The following SLC68A1 variants were observed in gnomAD, a reference collection of about 807,000 sequenced individuals.
SLC68A1 encodes the protein solute carrier family 68 member 1.
chr10:102,471,886 C>T, the SLC68A1 span: 1 of 338,628 alleles, frequency 3.0e-6, no homozygotes, highest in Non-Finnish European at 5.9e-6. Flanking sequence ...CTGAGCTTTT[C>T]CCTCCCTATG....
the SLC68A1 span, among the ~76,000 whole-genome samples, chr10:102,474,272 G>C: frequency 6.6e-6 from 1 of 150,824 alleles, no homozygotes; most frequent in Non-Finnish European, 1.5e-5. Context: ...CCATGAATAA[G>C]ATAGACAAAG....
chr10:102,464,817 AAAAG>A, the SLC68A1 span, among the ~76,000 whole-genome samples: 1 of 146,440 alleles, frequency 6.8e-6, no homozygotes, highest in Non-Finnish European at 1.5e-5. Context: ...AGGAAAAAGA[AAAAG>A]AAAATGGCTA....
the SLC68A1 span, chr10:102,468,613 G>A: frequency 6.3e-6 from 1 of 159,810 alleles, no homozygotes; most frequent in African/African-American, 2.4e-5. Flanking sequence ...CTTACAGTGA[G>A]CGGAGATCTG....
At chr10:102,469,099 C>G in the SLC68A1 span, 51 of 1,614,054 alleles carry the variant, frequency 3.2e-5, no homozygotes, top group Non-Finnish European at 3.6e-5. Flanking sequence ...CTCCCTGGCT[C>G]TCTTCACCAC....
the SLC68A1 span, chr10:102,471,910 G>A: frequency 5.3e-6 from 2 of 380,016 alleles, no homozygotes; most frequent in East Asian, 1.6e-4. Context: ...TCTTAGGCAG[G>A]TCTCAGGCTC....
chr10:102,468,782 T>G, the SLC68A1 span: 12 of 396,466 alleles, frequency 3.0e-5, no homozygotes, highest in East Asian at 8.8e-5. Flanking sequence ...CACTCCCAGA[T>G]TAGTGGTGTC....
the SLC68A1 span, among the ~76,000 whole-genome samples, chr10:102,465,081 C>T: frequency 3.3e-4 from 50 of 151,944 alleles, no homozygotes; most frequent in African/African-American, 1.1e-3. Flanking sequence ...GGTGAAACCC[C>T]GTCTCTACTA....
At chr10:102,470,878 A>C in the SLC68A1 span, 1 of 1,613,172 alleles carries the variant, frequency 6.2e-7, no homozygotes, top group Non-Finnish European at 8.5e-7. Context: ...TGGCCCTCTC[A>C]GCCCACGACC....
the SLC68A1 span, among the ~76,000 whole-genome samples, chr10:102,472,452 C>G: frequency 1.3e-5 from 2 of 151,904 alleles, no homozygotes; most frequent in Non-Finnish European, 2.9e-5. Context: ...TTAGTAGAGA[C>G]GGGGTTTCGC....
At chr10:102,473,075 C>A in the SLC68A1 span, 1 of 783,658 alleles carries the variant, frequency 1.3e-6, no homozygotes, top group Non-Finnish European at 2.2e-6. Context: ...ATCCACCTGC[C>A]TCTGCCTCCC....
the SLC68A1 span, chr10:102,473,712 C>G: frequency 6.2e-7 from 1 of 1,613,950 alleles, no homozygotes; most frequent in Non-Finnish European, 8.5e-7. Context: ...GCCCGGACCA[C>G]CTCAGCCTGC....
At chr10:102,470,885 G>A in the SLC68A1 span, 11 of 1,613,128 alleles carry the variant, frequency 6.8e-6, no homozygotes, top group South Asian at 1.2e-4. Context: ...CTCAGCCCAC[G>A]ACCGCACCCA....
chr10:102,466,375 C>T, the SLC68A1 span, among the ~76,000 whole-genome samples: 8 of 149,446 alleles, frequency 5.4e-5, no homozygotes, highest in East Asian at 2.0e-4. Context: ...CCCAGCTACT[C>T]GGGAGGCTGA....
At chr10:102,472,733 C>T in the SLC68A1 span, 1 of 776,008 alleles carries the variant, frequency 1.3e-6, no homozygotes, top group Non-Finnish European at 2.3e-6. Context: ...AAAAGGCCTG[C>T]TCTCGCTCTT....
At chr10:102,471,085 C>A in the SLC68A1 span, 7 of 1,613,914 alleles carry the variant, frequency 4.3e-6, no homozygotes. Context: ...CCCGAAAGGA[C>A]CCAGGGTGCT....
the SLC68A1 span, chr10:102,476,049 TTGG>T: frequency 1.9e-4 from 256 of 1,377,940 alleles, 10 homozygotes; most frequent in Middle Eastern, 2.6e-4. Flanking sequence ...CCAGTTTTTT[TTGG>T]TTTTTTTTTT....
chr10:102,476,180 G>A, the SLC68A1 span: 186 of 972,846 alleles, frequency 1.9e-4, 1 homozygote, highest in African/African-American at 2.9e-3. Flanking sequence ...CAATTATCCT[G>A]CCTCAGCCTC....
chr10:102,476,495 G>C, the SLC68A1 span: 3 of 985,664 alleles, frequency 3.0e-6, no homozygotes, highest in Non-Finnish European at 3.6e-6. Flanking sequence ...ATGAGCCACC[G>C]CACTCGGCCA....
the SLC68A1 span, among the ~76,000 whole-genome samples, chr10:102,464,384 G>A: frequency 6.6e-6 from 1 of 152,016 alleles, no homozygotes; most frequent in Non-Finnish European, 1.5e-5. Flanking sequence ...CTGGGAGGCG[G>A]AGGTTGCAGT....
Sources: allele counts gnomAD v4.1 joint callset (sites outside exome capture counted in the v4.1 genomes callset), GRCh38; gene constraint gnomAD v4.1.1; transcripts MANE v1.5; gene names NCBI Gene and HGNC (gene_info 2026-07-23, HGNC 2026-07-21).